TBC1D1: variants seen among roughly 807,000 people sequenced by gnomAD.
The protein encoded by TBC1D1 is TBC1 domain family member 1.
A neutral mutation model predicts 125.6 loss-of-function variants in TBC1D1; 89 were observed. That is an observed-to-expected ratio of 0.71 (90% CI 0.60 to 0.85). TBC1D1 has a LOEUF of 0.85. Ranked by LOEUF, TBC1D1 falls within the 40% of genes least tolerant of loss-of-function variation. TBC1D1 has a pLI of 0.00. For synonymous variants in TBC1D1, 565 were observed against 564.1 expected (o/e 1.00, Z -0.02); for missense variants, 1,377 against 1,469.2 (o/e 0.94, Z 1.03).
At chr4:38,135,884 GTGTA>G (rs1249050312) in intron 19 of TBC1D1, among the ~76,000 whole-genome samples, 3 of 150,576 alleles carry the variant, frequency 2.0e-5, no homozygotes, top group African/African-American at 7.4e-5. Flanking sequence ...GTGTGTGTGT[GTGTA>G]TATATGTGTG....
chr4:38,006,737 C>T (rs1204455317), intron 2 of TBC1D1: 15 of 391,736 alleles, frequency 3.8e-5, no homozygotes, highest in Non-Finnish European at 7.4e-5. Flanking sequence ...CCTTGGCCTC[C>T]CAAAGTGCTG....
chr4:38,056,809 C>T (rs577009511), intron 12 of TBC1D1, among the ~76,000 whole-genome samples: 37 of 149,574 alleles, frequency 2.5e-4, no homozygotes, highest in South Asian at 6.4e-4. Context: ...CCTTGTCTCG[C>T]GGGGTGGGGG....
chr4:37,984,523 T>G (rs937364075), intron 2 of TBC1D1, among the ~76,000 whole-genome samples: 13 of 152,192 alleles, frequency 8.5e-5, no homozygotes, highest in African/African-American at 3.1e-4. Context: ...TCCTACTCCC[T>G]TTCTTTTGAT....
chr4:38,000,056 C>T (rs1045253590), intron 2 of TBC1D1, among the ~76,000 whole-genome samples: 13 of 152,280 alleles, frequency 8.5e-5, no homozygotes, highest in African/African-American at 3.1e-4. Context: ...AGAGTTTGCT[C>T]TTCATGTTGA....
At position 38,103,044 on chromosome 4, in the gene TBC1D1, A is replaced by T. The variant is rs761648142; in HGVS notation, c.2444A>T (p.Glu815Val). 6.2e-7 allele frequency: 1 copy of T among 1,614,148 alleles called. No homozygotes were observed. The highest frequency in any genetic ancestry group is 1.1e-5 in the South Asian group (1 of 91,082). ...GGTGAAATCTGGAAATTTCTAGCTGAGCAATTCCACCTTAAACACCAGTTT... is the reference window on the plus strand; with the variant it reads ...GGTGAAATCTGGAAATTTCTAGCTGTGCAATTCCACCTTAAACACCAGTTT... The change falls in exon 15 of 20, where the codon GAG becomes GTG. Residue 815 changes from glutamate (E) to valine (V), a missense_variant. Glu to Val is a moderately radical substitution (Grantham distance 121). Around this residue, in one of 3 missense-constraint regions of TBC1D1, gnomAD observed 543 missense variants for 613.5 expected, o/e 0.89. Coordinates refer to ENST00000261439, the MANE Select transcript of TBC1D1 (RefSeq NM_015173.4).
Position 38,049,870 on chromosome 4 carries a change from G to A in TBC1D1, c.1882G>A (p.Val628Met). The change falls in exon 11 of 20, where the codon GTG becomes ATG. Residue 628 changes from valine to methionine, a missense_variant. Physicochemically the swap from Val to Met is conservative, Grantham distance 21. Around this residue, in one of 3 missense-constraint regions of TBC1D1, gnomAD observed 822 missense variants for 824.6 expected, o/e 1.00. Coordinates refer to ENST00000261439, the MANE Select transcript of TBC1D1 (RefSeq NM_015173.4). ...AAGGAAACTTATGAGGTATCACTCA[G>A]TGAGCACAGAGACGCCTCATGAACG... 6.2e-7 allele frequency: 1 copy of A among 1,613,618 alleles called. No homozygotes were observed. Among genetic ancestry groups the A allele is most frequent in the Non-Finnish European group, 8.5e-7 (1 of 1,179,854 alleles).
At chr4:37,927,068 A>G (rs1364512716) in intron 2 of TBC1D1, among the ~76,000 whole-genome samples, 1 of 152,142 alleles carries the variant, frequency 6.6e-6, no homozygotes, top group Non-Finnish European at 1.5e-5. Flanking sequence ...GCATTGAGTC[A>G]TGATCACGCC....
chr4:38,014,836 G>A lies in TBC1D1; in HGVS notation c.745G>A (p.Glu249Lys), dbSNP rs901968281. 3 of 1,612,232 alleles carry A rather than the reference G, an allele frequency of 1.9e-6. No homozygotes were observed. Among genetic ancestry groups the A allele is most frequent in the Non-Finnish European group, 2.5e-6 (3 of 1,178,746 alleles). The change falls in exon 3 of 20, where the codon GAG becomes AAG. Residue 249 changes from glutamate to lysine, a missense_variant. Around this residue, in one of 3 missense-constraint regions of TBC1D1, gnomAD observed 822 missense variants for 824.6 expected, o/e 1.00. Transcript: ENST00000261439. This position sits in a 1 kb window ranked among gnomAD's most constrained non-coding sequence, Gnocchi z 5.1. ...CCTGCGCTCGCTGGCCTTTAGGAAG[G>A]AGCTGCAGGATGGGGGCCTCCGAAG...
chr4:37,946,010 C>A (rs1469908251), intron 2 of TBC1D1, among the ~76,000 whole-genome samples: 1 of 152,200 alleles, frequency 6.6e-6, no homozygotes, highest in East Asian at 1.9e-4. Context: ...AGCAAAGCTA[C>A]AATGAGTATG....
intron 2 of TBC1D1, among the ~76,000 whole-genome samples, chr4:37,992,455 G>C (rs1578183895): frequency 6.6e-6 from 1 of 151,464 alleles, no homozygotes; most frequent in South Asian, 2.1e-4. Flanking sequence ...GAATGAGCTT[G>C]ATGTGGATAT....
intron 2 of TBC1D1, among the ~76,000 whole-genome samples, chr4:38,005,696 C>T (rs1227341326): frequency 1.3e-5 from 2 of 152,130 alleles, no homozygotes; most frequent in Non-Finnish European, 2.9e-5. Context: ...TGGCTAAAAC[C>T]CAAAAAATTC....
Position 37,912,458 on chromosome 4 carries a change from TAGGA to T in TBC1D1, c.417+9954_417+9957del, listed in dbSNP as rs1183809303. Among the ~76,000 whole-genome samples, 3 of 152,238 alleles carry T rather than the reference TAGGA, an allele frequency of 2.0e-5. No individual in the cohort carries two copies. The East Asian group carries it at 5.8e-4, about 29-fold the overall frequency. On this transcript the variant is annotated intron_variant, in intron 2 of 19. Transcript: ENST00000261439. ...ACAACTTGCATGGTCAGAGATGAGA[TAGGA>T]AGGAAGGGCTAAGGCCAGATTTTAC... is the stretch of plus-strand genomic sequence containing the variant.
In TBC1D1 at chr4:38,129,174, T is replaced by G. The variant is rs190884357; in HGVS notation, c.3133-3910T>G. On this transcript the variant is annotated intron_variant, in intron 18 of 19. Transcript: ENST00000261439. ...GCTGAGAAACCCTGCTGTGGGCAAC[T>G]CTGTTAGAAACACAATGAACAAAGG... Among the ~76,000 whole-genome samples the G allele has an allele frequency of 1.9e-3, 282 of 152,288 alleles. 1 individual carries two copies. Among genetic ancestry groups the G allele is most frequent in the Non-Finnish European group, 3.1e-3 (210 of 68,014 alleles).
chr4:37,992,685 G>C (rs1560582952), intron 2 of TBC1D1, among the ~76,000 whole-genome samples: 1 of 151,708 alleles, frequency 6.6e-6, no homozygotes, highest in African/African-American at 2.4e-5. Flanking sequence ...TAGTAGAGAT[G>C]GGGTTTCACC....
chr4:38,068,562 C>T (rs1230671755), intron 12 of TBC1D1, among the ~76,000 whole-genome samples: 2 of 152,138 alleles, frequency 1.3e-5, no homozygotes, highest in African/African-American at 4.8e-5. Context: ...CGATGGAGAG[C>T]GTCTTACTGT....
At chr4:37,966,575 A>T (rs1221706254) in intron 2 of TBC1D1, among the ~76,000 whole-genome samples, 1 of 152,236 alleles carries the variant, frequency 6.6e-6, no homozygotes, top group Non-Finnish European at 1.5e-5. Flanking sequence ...TAAGATGCAG[A>T]TGGTGGTTTA....
At chr4:38,004,433 C>T (rs184715233) in intron 2 of TBC1D1, among the ~76,000 whole-genome samples, 7 of 152,288 alleles carry the variant, frequency 4.6e-5, no homozygotes, top group Non-Finnish European at 8.8e-5. Flanking sequence ...GATTTATACT[C>T]GTCACACATT....
Position 37,956,668 on chromosome 4 carries a change from C to T in TBC1D1, c.417+54156C>T, listed in dbSNP as rs890310216. ...TAACTTAAGAAAAGTGGAGTGTAGC[C>T]GGGCACAGTGGCTCACACCTCTAAT... is the stretch of plus-strand genomic sequence containing the variant. On this transcript the variant is annotated intron_variant, in intron 2 of 19. Coordinates refer to ENST00000261439, the MANE Select transcript of TBC1D1 (RefSeq NM_015173.4). Among the ~76,000 whole-genome samples, 23 of 152,002 alleles carry T rather than the reference C, an allele frequency of 1.5e-4. 1 individual carries two copies. Among genetic ancestry groups the T allele is most frequent in the Admixed American group, 6.6e-4 (10 of 15,262 alleles).
intron 2 of TBC1D1, among the ~76,000 whole-genome samples, chr4:37,982,539 T>A (rs1393834197): frequency 6.6e-6 from 1 of 152,170 alleles, no homozygotes; most frequent in Non-Finnish European, 1.5e-5. Flanking sequence ...TGTGGAGCAC[T>A]TTTTATCTGG....
Sources: allele counts gnomAD v4.1 joint callset (sites outside exome capture counted in the v4.1 genomes callset), GRCh38; gene constraint gnomAD v4.1.1; regional missense constraint gnomAD v4.1.1; non-coding constraint Gnocchi (gnomAD v3.1); transcripts MANE v1.5; gene names NCBI Gene and HGNC (gene_info 2026-07-23, HGNC 2026-07-21).